GRID2: variants seen among roughly 807,000 people sequenced by gnomAD.
GRID2 encodes the protein glutamate receptor ionotropic, delta-2.
In GRID2, 33 loss-of-function variants were observed where a neutral mutation model predicts 114.8. The observed-to-expected ratio is 0.29, with a 90% CI of 0.22 to 0.38. GRID2 has a LOEUF of 0.38. Ranked by LOEUF, GRID2 falls within the 10% of genes least tolerant of loss-of-function variation. The pLI, the probability that GRID2 is intolerant of heterozygous loss-of-function variation, is 1.00. For missense variants in GRID2, 1,184 were observed against 1,257.7 expected (o/e 0.94, Z 0.89); for synonymous variants, 505 against 449.9 (o/e 1.12, Z -1.55).
intron 2 of GRID2, among the ~76,000 whole-genome samples, chr4:92,850,649 A>C (rs894712171): frequency 6.6e-6 from 1 of 152,040 alleles, no homozygotes; most frequent in Admixed American, 6.6e-5. Context: ...AAGAAATTTC[A>C]AGAAAGGTGA....
chr4:93,145,279 TTAC>T lies in GRID2; in HGVS notation c.735+34332_735+34334del, dbSNP rs1736100575. Among the ~76,000 whole-genome samples, 7 of 152,258 alleles carry T rather than the reference TTAC, an allele frequency of 4.6e-5. No homozygotes were observed. In the South Asian group the frequency reaches 1.2e-3, roughly 27 times the overall value. On this transcript the variant is annotated intron_variant, in intron 4 of 15. Coordinates refer to ENST00000282020, the MANE Select transcript of GRID2 (RefSeq NM_001510.4). ...TACGAAGGGAATTTTTGCCTGCTTT[TTAC>T]TACTATGTTTCTAGCACGTAGAGCA...
chr4:92,391,539 A>G (rs148900784), intron 1 of GRID2, among the ~76,000 whole-genome samples: 1 of 152,246 alleles, frequency 6.6e-6, no homozygotes, highest in East Asian at 1.9e-4. Flanking sequence ...TGTAAAAAAA[A>G]CCATTCAACA....
chr4:92,726,797 G>A (rs957146826), intron 2 of GRID2, among the ~76,000 whole-genome samples: 4 of 151,914 alleles, frequency 2.6e-5, no homozygotes, highest in South Asian at 2.1e-4. Context: ...ACATTGGTTC[G>A]GCTCCAGCGA....
At position 92,721,834 on chromosome 4, in the gene GRID2, T is replaced by C. The variant is rs186562168; in HGVS notation, c.244+131548T>C. On this transcript the variant is annotated intron_variant, in intron 2 of 15. Coordinates refer to ENST00000282020, the MANE Select transcript of GRID2 (RefSeq NM_001510.4). ...AGGCTAAAGAACTGGATGACATTTA[T>C]GCCCTAAACTATATGGTGAACACAT... Among the ~76,000 whole-genome samples the C allele has an allele frequency of 7.7e-4, 117 of 152,314 alleles. 2 individuals are homozygous for C. The highest frequency in any genetic ancestry group is 2.6e-3 in the African/African-American group (109 of 41,584).
intron 4 of GRID2, among the ~76,000 whole-genome samples, chr4:93,145,485 C>CAG (rs34908915): frequency 0.54 from 78,177 of 144,586 alleles, 22,452 homozygotes; most frequent in African/African-American, 0.71. Context: ...TTTTTTGAGA[C>CAG]AGTTTCACTC....
At chr4:93,007,376 G>A (rs1395979893) in intron 2 of GRID2, among the ~76,000 whole-genome samples, 1 of 151,972 alleles carries the variant, frequency 6.6e-6, no homozygotes, top group Admixed American at 6.6e-5. Flanking sequence ...CAGGCAAACA[G>A]ATCAAATTAC....
chr4:93,035,921 T>C (rs1421939691), intron 2 of GRID2, among the ~76,000 whole-genome samples: 1 of 152,118 alleles, frequency 6.6e-6, no homozygotes, highest in Non-Finnish European at 1.5e-5. Context: ...GGTGAAGGAA[T>C]ATGACAGCCT....
rs186772192 is a variant in GRID2 at position 93,149,689 on chromosome 4, G to T, written c.735+38736G>T. Among the ~76,000 whole-genome samples, 611 of 152,024 alleles carry T rather than the reference G, an allele frequency of 4.0e-3. 5 individuals carry two copies. The highest frequency in any genetic ancestry group is 6.7e-3 in the Admixed American group (102 of 15,256). On this transcript the variant is annotated intron_variant, in intron 4 of 15. Transcript: ENST00000282020. Reference sequence around the variant, plus strand: ...CATTCTGTCACCAAAGCTGGAGTATGGTGGCACAATCATAACTCACAGTAG... The same window carrying T: ...CATTCTGTCACCAAAGCTGGAGTATTGTGGCACAATCATAACTCACAGTAG...
intron 4 of GRID2, among the ~76,000 whole-genome samples, chr4:93,188,711 C>T (rs1226144331): frequency 1.3e-5 from 2 of 152,168 alleles, no homozygotes; most frequent in East Asian, 3.9e-4. Context: ...ATTTGTTTCT[C>T]TCTTCTTACA....
intron 14 of GRID2, among the ~76,000 whole-genome samples, chr4:93,632,559 C>T (rs1721017911): frequency 6.6e-6 from 1 of 152,166 alleles, no homozygotes; most frequent in African/African-American, 2.4e-5. Flanking sequence ...GCGCTCTGTT[C>T]TGTTCCATTG....
intron 13 of GRID2, among the ~76,000 whole-genome samples, chr4:93,549,102 A>G (rs1027419324): frequency 6.8e-6 from 1 of 146,432 alleles, no homozygotes; most frequent in African/African-American, 2.8e-5. Flanking sequence ...ACAATGCAGC[A>G]TTTTAAAAAA....
chr4:93,088,254 T>C (rs1730494983), intron 3 of GRID2, among the ~76,000 whole-genome samples: 2 of 152,124 alleles, frequency 1.3e-5, no homozygotes, highest in South Asian at 4.1e-4. Flanking sequence ...ATGTGGAAAC[T>C]TTATTTGAAT....
At chr4:93,511,236 C>T (rs1364052433) in intron 12 of GRID2, among the ~76,000 whole-genome samples, 1 of 151,940 alleles carries the variant, frequency 6.6e-6, no homozygotes, top group African/African-American at 2.4e-5. Flanking sequence ...TGCGCCTGGC[C>T]CCAAATTAAT....
At chr4:93,723,168 A>G (rs1275089659) in intron 14 of GRID2, among the ~76,000 whole-genome samples, 1 of 152,150 alleles carries the variant, frequency 6.6e-6, no homozygotes. Context: ...AGTGTTTTAT[A>G]CCTGTTGCTG....
chr4:92,721,185 A>G (rs1735792933), intron 2 of GRID2, among the ~76,000 whole-genome samples: 1 of 152,114 alleles, frequency 6.6e-6, no homozygotes, highest in Admixed American at 6.6e-5. Flanking sequence ...TTCAATGGAC[A>G]GAGAATTTCA....
intron 12 of GRID2, among the ~76,000 whole-genome samples, chr4:93,504,807 A>G (rs1728468497): frequency 6.6e-6 from 1 of 152,108 alleles, no homozygotes; most frequent in Admixed American, 6.6e-5. Flanking sequence ...GAGAAAAAAA[A>G]ATGGTTTAGT....
intron 1 of GRID2, among the ~76,000 whole-genome samples, chr4:92,378,957 ATATT>A (rs1484219503): frequency 6.6e-6 from 1 of 151,856 alleles, no homozygotes; most frequent in Non-Finnish European, 1.5e-5. Flanking sequence ...AAACCTTTAT[ATATT>A]TATTTACACA....
intron 2 of GRID2, among the ~76,000 whole-genome samples, chr4:92,737,181 AT>A (rs1736638742): frequency 6.6e-6 from 1 of 152,202 alleles, no homozygotes; most frequent in African/African-American, 2.4e-5. Context: ...GCTAAAAGTA[AT>A]TTTTTGATAC....
intron 2 of GRID2, among the ~76,000 whole-genome samples, chr4:93,060,819 A>G (rs1727716075): frequency 6.6e-6 from 1 of 152,118 alleles, no homozygotes; most frequent in South Asian, 2.1e-4. Flanking sequence ...AATGCTATTA[A>G]AGGCTGGGTG....
Sources: gnomAD v4.1 joint callset for allele counts (sites outside exome capture counted in the v4.1 genomes callset) on GRCh38, gnomAD v4.1.1 for gene constraint, MANE v1.5 for transcripts, NCBI Gene and HGNC (gene_info 2026-07-23, HGNC 2026-07-21) for gene names.